Variants in ARMC2 observed in about 807,000 individuals in gnomAD.
The protein encoded by ARMC2 is armadillo repeat-containing protein 2.
In ARMC2, 67 loss-of-function variants were observed where a neutral mutation model predicts 90.3. The ratio of observed to expected loss-of-function variants is 0.74; its 90% confidence interval spans 0.61 to 0.91. ARMC2 has a LOEUF of 0.91. Among genes scored for constraint, ARMC2 ranks in the 40% least tolerant of loss-of-function variants. The probability of loss-of-function intolerance (pLI) is 0.00; values close to 1 mark genes in which losing one functional copy is unlikely to be tolerated. For synonymous variants in ARMC2, 393 were observed against 393.0 expected (o/e 1.00, Z 0.00); for missense variants, 920 against 1,030.9 (o/e 0.89, Z 1.47).
chr6:108,926,423 T>C (rs2128485146), intron 10 of ARMC2, among the ~76,000 whole-genome samples: 1 of 152,312 alleles, frequency 6.6e-6, no homozygotes, highest in Admixed American at 6.5e-5. Flanking sequence ...TTCATTAGTC[T>C]TCACAAAAGA....
Position 108,854,063 on chromosome 6 carries a change from A to G in ARMC2, c.-43-162A>G, listed in dbSNP as rs76845791. 4.1e-3 allele frequency among the ~76,000 whole-genome samples: 616 copies of G among 152,020 alleles called. 2 individuals carry two copies. Among genetic ancestry groups the G allele is most frequent in the African/African-American group, 0.014 (577 of 41,480 alleles). On this transcript the variant is annotated intron_variant, in intron 1 of 17. Transcript: ENST00000392644. ...TATTTTTGAGGAAATTTTCCTCTCT[A>G]CATTTTTGAGAGCTGTTCTCAGATC...
the ARMC2 span, among the ~76,000 whole-genome samples, chr6:109,052,137 A>G: frequency 6.6e-6 from 1 of 152,228 alleles, no homozygotes; most frequent in Non-Finnish European, 1.5e-5. Flanking sequence ...CAAATACATC[A>G]AAATGAAAAT....
chr6:109,003,975 T>C, the ARMC2 span, among the ~76,000 whole-genome samples: 6 of 152,210 alleles, frequency 3.9e-5, no homozygotes. Context: ...TTCAAGGGTT[T>C]ATTACTGTTT....
intron 10 of ARMC2, among the ~76,000 whole-genome samples, chr6:108,920,688 T>A (rs747044112): frequency 3.9e-5 from 6 of 152,084 alleles, no homozygotes; most frequent in Non-Finnish European, 7.4e-5. Flanking sequence ...TCACCGTGGT[T>A]GGAGGATGTG....
At chr6:108,911,755 A>C (rs1239215194) in intron 9 of ARMC2, among the ~76,000 whole-genome samples, 1 of 152,180 alleles carries the variant, frequency 6.6e-6, no homozygotes, top group African/African-American at 2.4e-5. Flanking sequence ...CTTTAATATA[A>C]TTAAATGTGA....
the ARMC2 span, among the ~76,000 whole-genome samples, chr6:109,004,899 G>A: frequency 6.6e-6 from 1 of 152,220 alleles, no homozygotes; most frequent in African/African-American, 2.4e-5. Flanking sequence ...CTGTATTGGA[G>A]AAAGGGTAGA....
At chr6:108,997,814 T>A in the ARMC2 span, among the ~76,000 whole-genome samples, 3 of 152,170 alleles carry the variant, frequency 2.0e-5, no homozygotes, top group African/African-American at 4.8e-5. Context: ...AAACCCTTGC[T>A]TTTTCACTAC....
chr6:109,029,795 G>A, the ARMC2 span, among the ~76,000 whole-genome samples: 2 of 152,148 alleles, frequency 1.3e-5, no homozygotes, highest in Non-Finnish European at 2.9e-5. Context: ...GCCTCCCAAA[G>A]TGCTGGGATT....
rs552405210 is a variant in ARMC2, at chr6:108,879,986, C to T, written c.671+3636C>T. The T allele has an allele frequency of 1.3e-4, 63 of 467,334 alleles. No homozygotes were observed. The East Asian group carries it at 1.5e-3, about 11-fold the overall frequency. 28.9% of individuals were successfully genotyped at this position (467,334 alleles called of 1,614,324 possible). A position where few individuals can be genotyped will look rare whatever the true frequency, so the allele number is the denominator to read the frequency against. ...CTTGAAAGCCTTACTAATAAACTAT[C>T]GAGTGCTCTTAGTATTGTTGGAATC... On this transcript the variant is annotated intron_variant, in intron 5 of 17. Transcript: ENST00000392644.
intron 8 of ARMC2, 35 bp downstream of exon 8, chr6:108,904,440 A>G: frequency 6.6e-7 from 1 of 1,523,666 alleles, no homozygotes. Context: ...AGTAGACTAT[A>G]TCACATAAAA....
At chr6:108,859,909 C>G (rs1341197253) in intron 3 of ARMC2, among the ~76,000 whole-genome samples, 1 of 150,648 alleles carries the variant, frequency 6.6e-6, no homozygotes, top group African/African-American at 2.4e-5. Flanking sequence ...GAAGCTGAGA[C>G]AAGAGAATTG....
At chr6:108,960,033 G>A (rs1407999253) in intron 13 of ARMC2, among the ~76,000 whole-genome samples, 1 of 152,038 alleles carries the variant, frequency 6.6e-6, no homozygotes, top group Non-Finnish European at 1.5e-5. Context: ...TGTTGCCCAG[G>A]CCGGTCTGAT....
chr6:108,937,310 G>A (rs1776034821), intron 12 of ARMC2, among the ~76,000 whole-genome samples: 1 of 151,942 alleles, frequency 6.6e-6, no homozygotes, highest in Admixed American at 6.5e-5. Context: ...GTGGGGGAGG[G>A]GGTATAACCC....
the ARMC2 span, chr6:108,998,940 C>T: frequency 3.7e-6 from 2 of 541,114 alleles, no homozygotes; most frequent in Non-Finnish European, 6.3e-6. Flanking sequence ...ACAAATAGAA[C>T]TTAACATAAT....
intron 13 of ARMC2, among the ~76,000 whole-genome samples, chr6:108,957,013 G>C (rs545158453): frequency 6.6e-6 from 1 of 152,286 alleles, no homozygotes; most frequent in Admixed American, 6.5e-5. Flanking sequence ...GGCTGCTCCT[G>C]ATACAGGTGG....
At chr6:109,019,210 C>A in the ARMC2 span, among the ~76,000 whole-genome samples, 5 of 152,160 alleles carry the variant, frequency 3.3e-5, no homozygotes, top group Admixed American at 2.6e-4. Context: ...CACAAACACA[C>A]ACACAGACAC....
the ARMC2 span, among the ~76,000 whole-genome samples, chr6:108,992,409 G>A: frequency 2.0e-5 from 3 of 152,234 alleles, no homozygotes; most frequent in Non-Finnish European, 2.9e-5. Context: ...GAGCCATTGT[G>A]CCAGGCCCCT....
intron 17 of ARMC2, among the ~76,000 whole-genome samples, chr6:108,968,519 G>T (rs983552657): frequency 2.0e-5 from 3 of 152,168 alleles, no homozygotes; most frequent in Non-Finnish European, 4.4e-5. Flanking sequence ...TGCCTTGTGG[G>T]CTGGGTGGTG....
At chr6:108,994,671 T>G in the ARMC2 span, 1 of 1,320,714 alleles carries the variant, frequency 7.6e-7, no homozygotes, top group Non-Finnish European at 1.0e-6. Flanking sequence ...GAATTATCTT[T>G]TAAGTCTGTC....
Sources: allele counts gnomAD v4.1 joint callset (sites outside exome capture counted in the v4.1 genomes callset), GRCh38; gene constraint gnomAD v4.1.1; transcripts MANE v1.5; gene names NCBI Gene and HGNC (gene_info 2026-07-23, HGNC 2026-07-21).